The following MARCHF1 variants were observed in gnomAD, a reference collection of about 807,000 sequenced individuals.
The protein encoded by MARCHF1 is membrane associated ring-CH-type finger 1.
A neutral mutation model predicts 54.2 loss-of-function variants in MARCHF1; 40 were observed. That is an observed-to-expected ratio of 0.74 (90% confidence interval 0.57 to 0.96). MARCHF1 has a LOEUF of 0.96. MARCHF1 is among the 40% of genes least tolerant of loss of function. MARCHF1 has a pLI of 0.00. For missense variants in MARCHF1, 586 were observed against 656.5 expected, an observed-to-expected ratio of 0.89 and a Z score of 1.17; for synonymous variants, 236 against 236.3, an observed-to-expected ratio of 1.00 and a Z score of 0.01.
At chr4:163,866,113 AT>A (rs905373052) in intron 3 of MARCHF1, among the ~76,000 whole-genome samples, 2 of 151,212 alleles carry the variant, frequency 1.3e-5, no homozygotes, top group African/African-American at 2.4e-5. Flanking sequence ...ACATCATTTA[AT>A]TTTTTTTAAT....
At chr4:164,170,687 C>T (rs7674238) in intron 1 of MARCHF1, among the ~76,000 whole-genome samples, 26,800 of 151,928 alleles carry the variant, frequency 0.18, 3,612 homozygotes, top group African/African-American at 0.37. Flanking sequence ...CCCAATGACG[C>T]TATGGGAGTA....
intron 1 of MARCHF1, among the ~76,000 whole-genome samples, chr4:164,215,175 GAGTGCAAGGTTTTACTGTGTGGA>G (rs1265506431): frequency 6.6e-6 from 1 of 152,192 alleles, no homozygotes; most frequent in Non-Finnish European, 1.5e-5. Flanking sequence ...CTTGGAGAAT[GAGTGCAAGGTTTTACTGTGTGGA>G]AGTAGTTCTC....
At chr4:163,986,243 C>T (rs958827162) in intron 3 of MARCHF1, among the ~76,000 whole-genome samples, 1 of 48,050 alleles carries the variant, frequency 2.1e-5, no homozygotes, top group Non-Finnish European at 5.2e-5. Context: ...TCCTAATTAA[C>T]CTCTTCTTTT....
At chr4:164,210,131 TG>T (rs1392395495) in intron 1 of MARCHF1, among the ~76,000 whole-genome samples, 1 of 152,208 alleles carries the variant, frequency 6.6e-6, no homozygotes, top group Non-Finnish European at 1.5e-5. Flanking sequence ...AACATCACTC[TG>T]ATTATAGTAC....
chr4:164,285,599 C>T (rs975166387), intron 1 of MARCHF1, among the ~76,000 whole-genome samples: 1 of 151,640 alleles, frequency 6.6e-6, no homozygotes, highest in Non-Finnish European at 1.5e-5. Flanking sequence ...CCTGCAACCA[C>T]GCCCGGCTAA....
chr4:164,096,993 T>G (rs192136079), intron 2 of MARCHF1, among the ~76,000 whole-genome samples: 1 of 152,156 alleles, frequency 6.6e-6, no homozygotes, highest in African/African-American at 2.4e-5. Context: ...GCACTGCCAA[T>G]TCTTTTGTTA....
chr4:164,201,190 TACAG>T (rs1367430665), intron 1 of MARCHF1, among the ~76,000 whole-genome samples: 2 of 147,618 alleles, frequency 1.4e-5, no homozygotes, highest in African/African-American at 2.5e-5. Context: ...TGACATGTTT[TACAG>T]ACATGTTTTA....
In MARCHF1 at chr4:163,753,175, T is replaced by C. The variant is rs572080450; in HGVS notation, c.112-52312A>G. On this transcript the variant is annotated intron_variant, in intron 4 of 9. Coordinates refer to ENST00000514618, the MANE Select transcript of MARCHF1 (RefSeq NM_001394959.1). Reference sequence around the variant, plus strand: ...GGTTTCTTTCTGGATTAGGATACTATGAGGTTTTAAAAATTTCAAATTTAG... The same window carrying C: ...GGTTTCTTTCTGGATTAGGATACTACGAGGTTTTAAAAATTTCAAATTTAG... Among the ~76,000 whole-genome samples, 87 of 152,280 alleles carry C rather than the reference T, an allele frequency of 5.7e-4. 2 individuals carry two copies. The highest frequency in any genetic ancestry group is 1.9e-3 in the African/African-American group (80 of 41,564).
At chr4:164,295,570 A>C (rs1164588161) in intron 1 of MARCHF1, among the ~76,000 whole-genome samples, 2 of 152,196 alleles carry the variant, frequency 1.3e-5, no homozygotes, top group African/African-American at 4.8e-5. Flanking sequence ...AACTGAAGTA[A>C]GTTTAATGTG....
At chr4:163,864,469 A>C (rs1750008160) in intron 3 of MARCHF1, among the ~76,000 whole-genome samples, 1 of 151,970 alleles carries the variant, frequency 6.6e-6, no homozygotes, top group Non-Finnish European at 1.5e-5. Context: ...CCGAAAACTA[A>C]ATGTAATGCA....
At chr4:163,700,642 C>G (rs112979727) in intron 5 of MARCHF1, among the ~76,000 whole-genome samples, 171 bp downstream of exon 5, 1 of 151,974 alleles carries the variant, frequency 6.6e-6, no homozygotes, top group African/African-American at 2.4e-5. Context: ...TATTTTCTTG[C>G]GTAAAATCAT....
intron 3 of MARCHF1, among the ~76,000 whole-genome samples, chr4:163,861,724 T>A (rs1749939444): frequency 6.6e-6 from 1 of 152,074 alleles, no homozygotes; most frequent in African/African-American, 2.4e-5. Context: ...AGTGATACAC[T>A]TATTCTAAAG....
At chr4:163,746,254 C>CA (rs1746356188) in intron 4 of MARCHF1, among the ~76,000 whole-genome samples, 1 of 152,138 alleles carries the variant, frequency 6.6e-6, no homozygotes, top group African/African-American at 2.4e-5. Context: ...TAGTTGAACT[C>CA]AAACAGTACA....
intron 1 of MARCHF1, among the ~76,000 whole-genome samples, chr4:164,159,745 C>T (rs1043654689): frequency 6.6e-6 from 1 of 151,988 alleles, no homozygotes; most frequent in South Asian, 2.1e-4. Flanking sequence ...AAGTTATCAG[C>T]GATGGAAAGA....
At chr4:163,878,228 C>G (rs12504456) in intron 3 of MARCHF1, among the ~76,000 whole-genome samples, 137,825 of 152,194 alleles carry the variant, frequency 0.91, 63,242 homozygotes, top group Non-Finnish European at 0.98. Flanking sequence ...TAGTCTGGTG[C>G]GCAGCCAAAA....
rs1463237195 is a variant in MARCHF1 at position 163,613,387 on chromosome 4, T to G, written c.169A>C (p.Ser57Arg). The G allele has an allele frequency of 6.2e-7, 1 of 1,613,390 alleles. No homozygotes were observed. The highest frequency in any genetic ancestry group is 1.7e-5 in the Admixed American group (1 of 59,896). The change falls in exon 6 of 10, where the codon AGC becomes CGC. Residue 57 changes from serine to arginine, a missense_variant. Physicochemically the swap from Ser to Arg is moderately radical, Grantham distance 110. Around this residue, in one of 3 missense-constraint regions of MARCHF1, gnomAD observed 387 missense variants for 394.6 expected, o/e 0.98. Coordinates refer to ENST00000514618, the MANE Select transcript of MARCHF1 (RefSeq NM_001394959.1). ...SRSSNISKAS[S>R]PTTGTAPRSQ... ...CTGGGAGCTGTCCCTGTTGTTGGGC[T>G]GCTTGCCTGGAGAAACAAGTTAGAT...
At chr4:164,093,679 G>T (rs937485017) in intron 2 of MARCHF1, among the ~76,000 whole-genome samples, 1 of 152,146 alleles carries the variant, frequency 6.6e-6, no homozygotes, top group Non-Finnish European at 1.5e-5. Flanking sequence ...TTCAGTAGAA[G>T]TTTTAGCACT....
At chr4:164,072,374 C>T (rs1318929725) in intron 2 of MARCHF1, among the ~76,000 whole-genome samples, 3 of 152,000 alleles carry the variant, frequency 2.0e-5, no homozygotes, top group Non-Finnish European at 4.4e-5. Context: ...AGACCAGCTT[C>T]AGCAACATGG....
chr4:164,186,509 T>A (rs1730975012), intron 1 of MARCHF1, among the ~76,000 whole-genome samples: 1 of 152,224 alleles, frequency 6.6e-6, no homozygotes, highest in Non-Finnish European at 1.5e-5. Context: ...TGGCTTCTAT[T>A]TGGAAGGGTG....
Sources: allele counts gnomAD v4.1 joint callset (sites outside exome capture counted in the v4.1 genomes callset), GRCh38; gene constraint gnomAD v4.1.1; regional missense constraint gnomAD v4.1.1; transcripts MANE v1.5; gene names NCBI Gene and HGNC (gene_info 2026-07-23, HGNC 2026-07-21).